Variants in PICALM observed in about 807,000 individuals in gnomAD.
PICALM encodes the protein phosphatidylinositol-binding clathrin assembly protein.
A neutral mutation model predicts 80.5 loss-of-function variants in PICALM; 40 were observed. The observed-to-expected ratio is 0.50, with a 90% CI of 0.39 to 0.65. The LOEUF (loss-of-function observed/expected upper bound fraction) is 0.65. Among genes scored for constraint, PICALM ranks in the 30% least tolerant of loss-of-function variants. The pLI is 0.00. For synonymous variants in PICALM, 288 were observed against 260.3 expected (o/e 1.11, Z -1.02); for missense variants, 676 against 778.9 (o/e 0.87, Z 1.57).
intron 1 of PICALM, among the ~76,000 whole-genome samples, chr11:86,047,992 T>C (rs1005918774): frequency 1.3e-5 from 2 of 151,990 alleles, no homozygotes; most frequent in East Asian, 1.9e-4. Flanking sequence ...TCCCAGCTAC[T>C]TGGGAGGCTG....
chr11:86,012,368 C>G lies in PICALM; in HGVS notation c.571G>C (p.Gly191Arg), dbSNP rs202022146. Residue 191 changes from glycine (G) to arginine (R), a missense_variant, in exon 6 of 20, where the codon GGG becomes CGG. This residue lies in a region of PICALM where 285 missense variants were observed against 395.4 expected (regional missense o/e 0.72). Transcript: ENST00000393346. The part of the protein sequence containing the change: ...FNVNSNELTN[G>R]VINAAFMLLF... ...AGCATGAAGGCAGCATTTATTACCCCATTTGTAAGTTCATTGCTATTAACC... is the reference window on the plus strand; with the variant it reads ...AGCATGAAGGCAGCATTTATTACCCGATTTGTAAGTTCATTGCTATTAACC... 5 of 1,607,258 alleles carry G rather than the reference C, an allele frequency of 3.1e-6. No individual in the cohort carries two copies. Among genetic ancestry groups the G allele is most frequent in the Non-Finnish European group, 3.4e-6 (4 of 1,174,814 alleles).
chr11:86,018,321 A>ATT (rs1482244786), intron 4 of PICALM, among the ~76,000 whole-genome samples: 2 of 152,204 alleles, frequency 1.3e-5, no homozygotes, highest in Admixed American at 1.3e-4. Context: ...ATGAACACAT[A>ATT]TGAACGCATT....
intron 9 of PICALM, among the ~76,000 whole-genome samples, chr11:86,001,372 G>A (rs1174080204): frequency 6.6e-6 from 1 of 152,188 alleles, no homozygotes; most frequent in Non-Finnish European, 1.5e-5. Flanking sequence ...TACACTCACT[G>A]CTTTCAGAGT....
At chr11:86,067,299 T>C (rs937192675) in intron 1 of PICALM, among the ~76,000 whole-genome samples, 7 of 152,228 alleles carry the variant, frequency 4.6e-5, no homozygotes, top group African/African-American at 1.7e-4. Flanking sequence ...AAAGTAACTT[T>C]CATGTATGAT....
chr11:85,999,536 A>AAT (rs2095079782), intron 11 of PICALM, among the ~76,000 whole-genome samples: 1 of 152,224 alleles, frequency 6.6e-6, no homozygotes. Context: ...TGGGGATTAA[A>AAT]GAAGGTAGCA....
intron 4 of PICALM, among the ~76,000 whole-genome samples, chr11:86,017,194 G>T (rs552292825): frequency 6.7e-6 from 1 of 148,520 alleles, no homozygotes; most frequent in African/African-American, 2.5e-5. Flanking sequence ...CTGCACTCCA[G>T]CCTGGGTGAC....
At chr11:85,978,017 G>A in intron 17 of PICALM, 1 of 1,375,198 alleles carries the variant, frequency 7.3e-7, no homozygotes, top group Non-Finnish European at 1.0e-6. Context: ...TGCTACAGCA[G>A]TGGTTAATAG....
At chr11:86,037,259 A>ATT (rs763255182) in intron 1 of PICALM, among the ~76,000 whole-genome samples, 26,352 of 105,576 alleles carry the variant, frequency 0.25, 4,769 homozygotes, top group South Asian at 0.28. Flanking sequence ...AAAAAAGAAA[A>ATT]TTTTTTTTTT....
At chr11:85,967,894 TCAGA>T (rs1353635798) in intron 19 of PICALM, among the ~76,000 whole-genome samples, 22 of 152,226 alleles carry the variant, frequency 1.4e-4, no homozygotes. Flanking sequence ...TCATTTCCTT[TCAGA>T]CACTTAACTG....
intron 13 of PICALM, 29 bp downstream of exon 13, chr11:85,990,221 T>A: frequency 7.0e-7 from 1 of 1,433,790 alleles, no homozygotes; most frequent in Non-Finnish European, 9.6e-7. Flanking sequence ...TAAACATTGA[T>A]TGGAAAAAAA....
At position 85,958,672 on chromosome 11, in the gene PICALM, T is replaced by G; in HGVS notation, c.*374A>C. On this transcript the variant is annotated 3_prime_UTR_variant, in exon 20 of 20. Transcript: ENST00000393346. ...CCAAAAGAGTCCTGTTGAAATACAG[T>G]AAAGGACACAGTTCTTCTCTCCAGG... 1 of 251,170 alleles carries G rather than the reference T, an allele frequency of 4.0e-6. No homozygotes were observed. Among genetic ancestry groups the G allele is most frequent in the Non-Finnish European group, 7.6e-6 (1 of 130,892 alleles). The allele number at this position is 251,170 out of a possible 1,614,324, so 15.6% of individuals were successfully genotyped here.
intron 2 of PICALM, 41 bp from the exon 3 acceptor site, chr11:86,026,408 T>C: frequency 8.5e-7 from 1 of 1,173,836 alleles, no homozygotes. Flanking sequence ...TACTGCCATC[T>C]CACCAACTCT....
intron 13 of PICALM, among the ~76,000 whole-genome samples, chr11:85,987,682 GCTGGCCTCAAACTC>G (rs2094618963): frequency 6.6e-6 from 1 of 152,134 alleles, no homozygotes; most frequent in African/African-American, 2.4e-5. Flanking sequence ...TGTTGCCGAG[GCTGGCCTCAAACTC>G]CTGGCCTCAA....
Position 86,062,068 on chromosome 11 carries a change from G to A in PICALM, c.130+6583C>T, listed in dbSNP as rs117770176. Among the ~76,000 whole-genome samples, 1,325 of 152,300 alleles carry A rather than the reference G, an allele frequency of 8.7e-3. 8 individuals carry two copies. The highest frequency in any genetic ancestry group is 0.014 in the Non-Finnish European group (924 of 68,032). ...CATCTTGAAAAGGCAAAACTATGGA[G>A]ACAGTTAACAAAAAATAGTGGTTGC... On this transcript the variant is annotated intron_variant, in intron 1 of 19. Transcript: ENST00000393346.
chr11:86,011,131 AT>A lies in PICALM; in HGVS notation c.663del (p.Lys221AsnfsTer5). On this transcript the variant is annotated frameshift_variant, in exon 7 of 20. Transcript: ENST00000393346. LOFTEE classifies it high-confidence loss of function. ...YNEGIINLLE[K>X]YFDMKKNQCK... ...CATTGGTTCTTTTTCATATCAAAAT[AT>A]TTTTCTGACAAAATAAATGTAAAAA... 1 of 1,305,818 alleles carries A rather than the reference AT, an allele frequency of 7.7e-7. No individual in the cohort carries two copies. Among genetic ancestry groups the A allele is most frequent in the Non-Finnish European group, 1.1e-6 (1 of 920,960 alleles). The allele number at this position is 1,305,818 out of a possible 1,614,324, so 80.9% of individuals were successfully genotyped here.
At position 85,975,592 on chromosome 11, in the gene PICALM, C is replaced by CTTTTTTTT. The variant is rs11407535; in HGVS notation, c.1840-788_1840-781dup. On this transcript the variant is annotated intron_variant, in intron 18 of 19. Transcript: ENST00000393346. ...TTTATGGCCTGAGTTTCTCAGCAGA[C>CTTTTTTTT]TTTTTTTTTTTTTTTTTTTTTTGAG... Among the ~76,000 whole-genome samples the CTTTTTTTT allele has an allele frequency of 2.8e-4, 25 of 89,624 alleles. 1 individual carries two copies. The highest frequency in any genetic ancestry group is 5.0e-4 in the African/African-American group (11 of 22,134). The allele number at this position is 89,624 out of a possible 152,430, so 58.8% of individuals were successfully genotyped here.
chr11:86,040,321 T>C (rs994426818), intron 1 of PICALM, among the ~76,000 whole-genome samples: 1 of 152,156 alleles, frequency 6.6e-6, no homozygotes, highest in Non-Finnish European at 1.5e-5. Flanking sequence ...AACTACTATT[T>C]TAAAATCACA....
intron 1 of PICALM, among the ~76,000 whole-genome samples, chr11:86,038,544 A>G (rs945987329): frequency 2.0e-5 from 3 of 151,694 alleles, no homozygotes; most frequent in African/African-American, 7.3e-5. Context: ...GCACTTTGGG[A>G]GACCGAGGCG....
At chr11:86,042,645 TATC>T (rs1228288381) in intron 1 of PICALM, among the ~76,000 whole-genome samples, 2 of 123,128 alleles carry the variant, frequency 1.6e-5, no homozygotes, top group Admixed American at 9.2e-5. Context: ...CCCAGTTAAA[TATC>T]ATCAGGACTC....
Sources: gnomAD v4.1 joint callset for allele counts (sites outside exome capture counted in the v4.1 genomes callset) on GRCh38, gnomAD v4.1.1 for gene constraint, gnomAD v4.1.1 regional missense constraint, MANE v1.5 for transcripts, NCBI Gene and HGNC (gene_info 2026-07-23, HGNC 2026-07-21) for gene names.